P2RY8: variants seen among roughly 807,000 people sequenced by gnomAD.
P2RY8 encodes P2Y receptor family member 8.
Under a neutral mutation model 10.0 loss-of-function variants are expected in P2RY8, and 6 were observed. That is an observed-to-expected ratio of 0.60 (90% confidence interval 0.33 to 1.19). The LOEUF (loss-of-function observed/expected upper bound fraction) is 1.19. Ranked by LOEUF, P2RY8 falls within the 50% of genes most tolerant of loss-of-function variation. P2RY8 has a pLI of 0.04. For synonymous variants in P2RY8, 276 were observed against 252.5 expected, an observed-to-expected ratio of 1.09 and a Z score of -0.88; for missense variants, 456 against 542.0, an observed-to-expected ratio of 0.84 and a Z score of 1.58.
chrX:1,501,168 C>G (rs1435925725), intron 1 of P2RY8, among the ~76,000 whole-genome samples: 1 of 152,172 alleles, frequency 6.6e-6, no homozygotes, highest in African/African-American at 2.4e-5. Flanking sequence ...TTGTGAACTA[C>G]GTCTTGGAAG....
chrX:1,524,108 A>G (rs2092412139), intron 1 of P2RY8, among the ~76,000 whole-genome samples: 1 of 151,990 alleles, frequency 6.6e-6, no homozygotes, highest in Non-Finnish European at 1.5e-5. Flanking sequence ...TCTCCCCGTA[A>G]CCCCGTTCCT....
rs1369823135 is a variant in P2RY8 at position 1,469,614 on chromosome X, G to A, written c.-24-3032C>T. On this transcript the variant is annotated intron_variant, in intron 1 of 1. Coordinates refer to ENST00000381297, the MANE Select transcript of P2RY8 (RefSeq NM_178129.5). Reference sequence around the variant, plus strand: ...TCTTCTTAAAACAGCTTTGCCAGCCGGGCACGGTGGCTCACACCTGTAATC... The same window carrying A: ...TCTTCTTAAAACAGCTTTGCCAGCCAGGCACGGTGGCTCACACCTGTAATC... Among the ~76,000 whole-genome samples, 5 of 152,004 alleles carry A rather than the reference G, an allele frequency of 3.3e-5. No homozygotes were observed. The South Asian group carries it at 6.2e-4, about 19-fold the overall frequency.
intron 1 of P2RY8, among the ~76,000 whole-genome samples, chrX:1,506,203 G>C (rs2092231769): frequency 1.3e-5 from 2 of 151,958 alleles, no homozygotes; most frequent in African/African-American, 4.8e-5. Context: ...ATGTTGGCCA[G>C]GCTGGTCTCG....
At chrX:1,491,866 T>G (rs1170859672) in intron 1 of P2RY8, among the ~76,000 whole-genome samples, 1 of 151,372 alleles carries the variant, frequency 6.6e-6, no homozygotes, top group Non-Finnish European at 1.5e-5. Context: ...GTGGAGCAAA[T>G]GAGTAAATGA....
At chrX:1,511,134 C>T (rs1415856859) in intron 1 of P2RY8, among the ~76,000 whole-genome samples, 22 of 152,090 alleles carry the variant, frequency 1.4e-4, no homozygotes, top group Non-Finnish European at 2.4e-4. Flanking sequence ...GAGCCAAGAT[C>T]GCACCACTGC....
chrX:1,467,889 G>A (rs1442065615), intron 1 of P2RY8, among the ~76,000 whole-genome samples: 1 of 151,724 alleles, frequency 6.6e-6, no homozygotes, highest in Admixed American at 6.6e-5. Context: ...ATGTTTCCCA[G>A]GCTGGTCTCA....
At chrX:1,525,399 T>A (rs2092433258) in intron 1 of P2RY8, among the ~76,000 whole-genome samples, 1 of 152,130 alleles carries the variant, frequency 6.6e-6, no homozygotes, top group Non-Finnish European at 1.5e-5. Context: ...GACGCAGACA[T>A]GCACAGAGGG....
intron 1 of P2RY8, among the ~76,000 whole-genome samples, chrX:1,524,709 T>C (rs866999830): frequency 0.016 from 248 of 15,072 alleles, no homozygotes; most frequent in African/African-American, 0.021. Context: ...ATCCATCCAC[T>C]CATCCATTCA....
intron 1 of P2RY8, among the ~76,000 whole-genome samples, chrX:1,509,099 G>C (rs867442403): frequency 0.048 from 6,432 of 135,386 alleles, 113 homozygotes; most frequent in Non-Finnish European, 0.062. Flanking sequence ...ATGTATCTAT[G>C]TATCTATCTA....
chrX:1,509,247 T>A (rs138420908), intron 1 of P2RY8, among the ~76,000 whole-genome samples: 4,626 of 148,406 alleles, frequency 0.031, 123 homozygotes, highest in Middle Eastern at 0.08. Flanking sequence ...ATCATCTATG[T>A]ATCTATCTGT....
intron 1 of P2RY8, among the ~76,000 whole-genome samples, chrX:1,468,738 CTCTCTCCT>C (rs2091729133): frequency 1.3e-5 from 1 of 78,034 alleles, no homozygotes; most frequent in Admixed American, 1.4e-4. Flanking sequence ...CTCCTCTCTC[CTCTCTCCT>C]CTCTCCCCTC....
intron 1 of P2RY8, among the ~76,000 whole-genome samples, chrX:1,518,714 C>T (rs1340693811): frequency 6.6e-6 from 1 of 151,782 alleles, no homozygotes; most frequent in Non-Finnish European, 1.5e-5. Context: ...TTTGGTTCTC[C>T]CTGGCCGCCA....
intron 1 of P2RY8, among the ~76,000 whole-genome samples, chrX:1,480,108 A>G (rs1241625017): frequency 3.3e-5 from 5 of 152,168 alleles, no homozygotes; most frequent in Admixed American, 2.6e-4. Flanking sequence ...AGATAGAAAC[A>G]CAGGGAATAT....
intron 1 of P2RY8, among the ~76,000 whole-genome samples, chrX:1,471,339 TA>T (rs2091784091): frequency 2.4e-5 from 3 of 124,664 alleles, no homozygotes; most frequent in Admixed American, 8.4e-5. Context: ...TTTGTAATTT[TA>T]GTAACGACGG....
intron 1 of P2RY8, among the ~76,000 whole-genome samples, chrX:1,472,858 A>G (rs111065313): frequency 0.57 from 75,026 of 130,558 alleles, 20,055 homozygotes; most frequent in Middle Eastern, 0.68. Context: ...TGGATGGATG[A>G]GTGGCTAGAT....
rs779884132 is a variant in P2RY8, at chrX:1,514,356, T to C, written c.-25+22565A>G. 3.7e-3 allele frequency among the ~76,000 whole-genome samples: 549 copies of C among 147,212 alleles called. 13 individuals carry two copies. The highest frequency in any genetic ancestry group is 0.014 in the African/African-American group (528 of 38,686). On this transcript the variant is annotated intron_variant, in intron 1 of 1. Transcript: ENST00000381297. ...TTTCCTTTCCTTCCCTTCCCTTTTA[T>C]TTTCCTTTTCCTTTTCCTTTCCCTT... is the stretch of plus-strand genomic sequence containing the variant.
At chrX:1,533,432 ATT>A (rs2092495291) in intron 1 of P2RY8, among the ~76,000 whole-genome samples, 1 of 143,770 alleles carries the variant, frequency 7.0e-6, no homozygotes, top group African/African-American at 2.5e-5. Flanking sequence ...ATATTTATAT[ATT>A]TATTATTTAA....
At chrX:1,498,202 C>T (rs1469693171) in intron 1 of P2RY8, among the ~76,000 whole-genome samples, 1 of 151,758 alleles carries the variant, frequency 6.6e-6, no homozygotes, top group Non-Finnish European at 1.5e-5. Flanking sequence ...GTCAGGAGAT[C>T]AAGACCATCC....
rs750917315 is a variant in P2RY8, at chrX:1,500,501, G to C, written c.-24-33919C>G. 3.9e-5 allele frequency among the ~76,000 whole-genome samples: 6 copies of C among 151,988 alleles called. No individual in the cohort carries two copies. In the South Asian group the frequency reaches 1.0e-3, roughly 26 times the overall value. On this transcript the variant is annotated intron_variant, in intron 1 of 1. Coordinates refer to ENST00000381297, the MANE Select transcript of P2RY8 (RefSeq NM_178129.5). ...ACTCTGTCATCTAGGCTGGAGTGCA[G>C]TGGTGTGATCTCGGCTCACTGCAAC...
Sources: gnomAD v4.1 joint callset for allele counts (sites outside exome capture counted in the v4.1 genomes callset) on GRCh38, gnomAD v4.1.1 for gene constraint, MANE v1.5 for transcripts, NCBI Gene and HGNC (gene_info 2026-07-23, HGNC 2026-07-21) for gene names.